The following ZMIZ1 variants were observed in gnomAD, a reference collection of about 807,000 sequenced individuals.
ZMIZ1 encodes the protein zinc finger MIZ-type containing 1, also known as zinc finger MIZ domain-containing protein 1.
A neutral mutation model predicts 113.9 loss-of-function variants in ZMIZ1; 17 were observed. That is an observed-to-expected ratio of 0.15 (90% confidence interval 0.10 to 0.22). The LOEUF (loss-of-function observed/expected upper bound fraction) is 0.22, where lower values mean the gene tolerates loss of function less well. ZMIZ1 is among the 10% of genes least tolerant of loss of function. The pLI is 1.00. For missense variants in ZMIZ1, 1,059 were observed against 1,477.8 expected, an observed-to-expected ratio of 0.72 and a Z score of 4.65; for synonymous variants, 607 against 603.1, an observed-to-expected ratio of 1.01 and a Z score of -0.09.
intron 1 of ZMIZ1, among the ~76,000 whole-genome samples, chr10:79,076,268 G>A (rs1842472605): frequency 6.6e-6 from 1 of 152,198 alleles, no homozygotes; most frequent in Admixed American, 6.5e-5. Flanking sequence ...CATGTATTGA[G>A]TGTGTGCTGT....
chr10:79,210,198 G>T (rs1198496178), intron 6 of ZMIZ1, among the ~76,000 whole-genome samples: 6 of 152,252 alleles, frequency 3.9e-5, no homozygotes, highest in Admixed American at 2.6e-4. Flanking sequence ...CGTGTGTCCA[G>T]CCAGGCTGCC....
In ZMIZ1 at chr10:79,148,127, GCTT is replaced by G. The variant is rs528168006; in HGVS notation, c.-131+8355_-131+8357del. ...GTGTCTGTTTGTCCACCTCCTCCCT[GCTT>G]CTTCCCTCTTTCCTTCCTTTGACAA... On this transcript the variant is annotated intron_variant, in intron 3 of 24. Transcript: ENST00000334512. 5.7e-3 allele frequency among the ~76,000 whole-genome samples: 861 copies of G among 152,294 alleles called. 6 individuals are homozygous for G. Among genetic ancestry groups the G allele is most frequent in the Non-Finnish European group, 8.5e-3 (580 of 68,022 alleles).
At chr10:79,286,930 G>A (rs1011055644) in intron 8 of ZMIZ1, among the ~76,000 whole-genome samples, 1 of 152,226 alleles carries the variant, frequency 6.6e-6, no homozygotes, top group South Asian at 2.1e-4. Flanking sequence ...AGGAACTTCC[G>A]TCTCAAGGCC....
chr10:79,073,205 G>C (rs1407323731), intron 1 of ZMIZ1, among the ~76,000 whole-genome samples: 1 of 152,144 alleles, frequency 6.6e-6, no homozygotes, highest in Non-Finnish European at 1.5e-5. Flanking sequence ...CTGTAAAATG[G>C]GTCTGAGGGC....
chr10:79,166,143 G>A (rs1011997882), intron 4 of ZMIZ1, among the ~76,000 whole-genome samples: 4 of 152,022 alleles, frequency 2.6e-5, no homozygotes, highest in African/African-American at 7.2e-5. Context: ...GGCTGCCTCC[G>A]CCGCCACACG....
chr10:79,274,520 A>G (rs565543652), intron 7 of ZMIZ1, among the ~76,000 whole-genome samples: 22 of 152,272 alleles, frequency 1.4e-4, no homozygotes, highest in African/African-American at 5.3e-4. Flanking sequence ...TTGGCTGCGA[A>G]TTCCCGGGTG....
In ZMIZ1 at chr10:79,176,517, A is replaced by T. The variant is rs145576038; in HGVS notation, c.-50+14384A>T. Among the ~76,000 whole-genome samples the T allele has an allele frequency of 1.2e-4, 18 of 152,220 alleles. No individual in the cohort carries two copies. The East Asian group carries it at 3.5e-3, about 29-fold the overall frequency. On this transcript the variant is annotated intron_variant, in intron 4 of 24. Coordinates refer to ENST00000334512, the MANE Select transcript of ZMIZ1 (RefSeq NM_020338.4). ...CAGGGAGGTAGGGAGTCAGCCCTCC[A>T]TCCTCCTGGTGCCAAGGCACAGCCC...
chr10:79,248,479 T>G (rs767436235), intron 7 of ZMIZ1, among the ~76,000 whole-genome samples: 44 of 152,208 alleles, frequency 2.9e-4, no homozygotes, highest in Non-Finnish European at 5.3e-4. Context: ...GCACTGGGAC[T>G]CCTCCTGCTT....
chr10:79,085,040 G>A (rs1031414065), intron 1 of ZMIZ1, among the ~76,000 whole-genome samples: 10 of 152,156 alleles, frequency 6.6e-5, no homozygotes, highest in Non-Finnish European at 1.3e-4. Context: ...TGCCCGCTCC[G>A]CATTCTGGTG....
At chr10:79,109,534 G>A (rs977467345) in intron 1 of ZMIZ1, among the ~76,000 whole-genome samples, 1 of 152,216 alleles carries the variant, frequency 6.6e-6, no homozygotes, top group African/African-American at 2.4e-5. Flanking sequence ...CCATATGGAT[G>A]GTGCTGGAGA....
chr10:79,198,569 T>C (rs1043454492), intron 4 of ZMIZ1, among the ~76,000 whole-genome samples: 1 of 152,034 alleles, frequency 6.6e-6, no homozygotes, highest in African/African-American at 2.4e-5. Context: ...GAAATAAATA[T>C]GGGTACAACC....
intron 11 of ZMIZ1, 109 bp downstream of exon 11, chr10:79,292,465 G>T: frequency 7.0e-7 from 1 of 1,425,908 alleles, no homozygotes; most frequent in Non-Finnish European, 9.6e-7. Context: ...TGTGCTGGGA[G>T]AGCTGACTGC....
intron 3 of ZMIZ1, among the ~76,000 whole-genome samples, chr10:79,145,350 C>G (rs779173159): frequency 6.6e-6 from 1 of 152,200 alleles, no homozygotes; most frequent in Admixed American, 6.5e-5. Flanking sequence ...GGAGTGCCTG[C>G]GAGGTGTGCT....
At chr10:79,129,064 G>A (rs552162761) in intron 2 of ZMIZ1, among the ~76,000 whole-genome samples, 14 of 152,286 alleles carry the variant, frequency 9.2e-5, no homozygotes, top group African/African-American at 2.9e-4. Flanking sequence ...CTAGCAGTTG[G>A]GAGTAATAAC....
intron 4 of ZMIZ1, among the ~76,000 whole-genome samples, chr10:79,165,732 C>T (rs1846299486): frequency 6.6e-6 from 1 of 152,172 alleles, no homozygotes; most frequent in Non-Finnish European, 1.5e-5. Flanking sequence ...GTCTTGACAG[C>T]TCCCCGTGGT....
At chr10:79,306,025 G>T (rs1350286866) in intron 21 of ZMIZ1, 75 bp from the exon 22 acceptor site, 1 of 1,558,394 alleles carries the variant, frequency 6.4e-7, no homozygotes, top group Non-Finnish European at 8.6e-7. Context: ...CTGGGTGTCT[G>T]TCGGAGCTGG....
chr10:79,208,069 G>A (rs1175756720), intron 5 of ZMIZ1, among the ~76,000 whole-genome samples: 1 of 146,866 alleles, frequency 6.8e-6, no homozygotes, highest in Non-Finnish European at 1.5e-5. Flanking sequence ...GTGGAGGTGA[G>A]GGTGGGGGTG....
At chr10:79,212,755 CAAA>C (rs531542235) in intron 6 of ZMIZ1, among the ~76,000 whole-genome samples, 6 of 113,888 alleles carry the variant, frequency 5.3e-5, no homozygotes, top group Admixed American at 9.1e-5. Flanking sequence ...GACTCTGTCT[CAAA>C]AAAAAAAAAA....
chr10:79,235,296 AG>A (rs1564540510), intron 7 of ZMIZ1, among the ~76,000 whole-genome samples: 1 of 152,166 alleles, frequency 6.6e-6, no homozygotes, highest in Non-Finnish European at 1.5e-5. Flanking sequence ...GGGTGGTGAA[AG>A]GAAGGCAGGA....
Sources: allele counts gnomAD v4.1 joint callset (sites outside exome capture counted in the v4.1 genomes callset), GRCh38; gene constraint gnomAD v4.1.1; transcripts MANE v1.5; gene names NCBI Gene and HGNC (gene_info 2026-07-23, HGNC 2026-07-21).